LIMS2: variants seen among roughly 807,000 people sequenced by gnomAD.
The protein encoded by LIMS2 is LIM and senescent cell antigen-like-containing domain protein 2.
LIMS2 carries 30 observed loss-of-function variants against 45.3 expected under a neutral mutation model. The ratio of observed to expected loss-of-function variants is 0.66; its 90% CI spans 0.50 to 0.90. The LOEUF (loss-of-function observed/expected upper bound fraction) is 0.90, where lower values mean the gene tolerates loss of function less well. LIMS2 is among the 40% of genes least tolerant of loss of function. The pLI is 0.00. For synonymous variants in LIMS2, 173 were observed against 188.0 expected (o/e 0.92, Z 0.65); for missense variants, 485 against 468.7 (o/e 1.03, Z -0.32).
At chr2:127,643,587 G>C in intron 4 of LIMS2, 1 of 456,666 alleles carries the variant, frequency 2.2e-6, no homozygotes, top group Non-Finnish European at 4.4e-6. Context: ...GTCAGATGGA[G>C]GCCCCCAAAC....
At chr2:127,679,298 G>C (rs143908077), upstream of LIMS2, among the ~76,000 whole-genome samples, 42 of 152,266 alleles carry the variant, frequency 2.8e-4, no homozygotes, top group East Asian at 1.2e-3. This position sits in a 1 kb window ranked among gnomAD's most constrained non-coding sequence, Gnocchi z 5.3. Flanking sequence ...GCTCTGAAAG[G>C]GGGGGCAGAG....
At chr2:127,666,970 T>A (rs186069308) in intron 1 of LIMS2, among the ~76,000 whole-genome samples, 1 of 152,194 alleles carries the variant, frequency 6.6e-6, no homozygotes. Context: ...TGAGATTTAG[T>A]TGGGGACACA....
At chr2:127,663,672 G>C (rs1464006154) in intron 1 of LIMS2, among the ~76,000 whole-genome samples, 1 of 141,720 alleles carries the variant, frequency 7.1e-6, no homozygotes, top group African/African-American at 2.6e-5. Flanking sequence ...TCCTCCCCAG[G>C]GTCCCTATCT....
chr2:127,666,341 C>T lies in LIMS2; in HGVS notation c.11+8673G>A, dbSNP rs10177071. ...AAATCCACCAAAGGTTTTCAGTAAC[C>T]CTAGGAACATTTGGTCAAGAAAAAC... On this transcript the variant is annotated intron_variant, in intron 1 of 9. Transcript: ENST00000355119. 3.6e-3 allele frequency among the ~76,000 whole-genome samples: 542 copies of T among 150,532 alleles called. 3 individuals carry two copies. The highest frequency in any genetic ancestry group is 0.013 in the African/African-American group (509 of 40,080).
chr2:127,640,342 A>G (rs933452081), intron 7 of LIMS2, 24 bp from the exon 8 acceptor site: 4 of 1,610,820 alleles, frequency 2.5e-6, no homozygotes, highest in East Asian at 2.2e-5. Context: ...AGGCTGTCAG[A>G]GTAGCTGCAG....
In LIMS2 at chr2:127,664,010, A is replaced by G. The variant is rs537544559; in HGVS notation, c.12-6448T>C. Among the ~76,000 whole-genome samples the G allele has an allele frequency of 7.9e-4, 121 of 152,310 alleles. No homozygotes were observed. The highest frequency in any genetic ancestry group is 2.8e-3 in the African/African-American group (115 of 41,566). Reference sequence around the variant, plus strand: ...GCTCAGAACCTGTCTGCTCATCTATAAAGTGCAGCATGATCACCCCCGTCT... The same window carrying G: ...GCTCAGAACCTGTCTGCTCATCTATGAAGTGCAGCATGATCACCCCCGTCT... On this transcript the variant is annotated intron_variant, in intron 1 of 9. Transcript: ENST00000355119. The surrounding 1 kb of genome is among the most constrained non-coding windows in gnomAD (Gnocchi z 5.5).
Position 127,640,326 on chromosome 2 carries a change from C to A in LIMS2, c.754-8G>T. On this transcript the variant is annotated splice_polypyrimidine_tract_variant and splice_region_variant and intron_variant, in intron 7 of 9. Coordinates refer to ENST00000355119, the MANE Select transcript of LIMS2 (RefSeq NM_001161403.3). ...GCAGACGTCCCCGAAGAGCTGTGGG[C>A]CGAGCAGGCTGTCAGAGTAGCTGCA... 6.2e-7 allele frequency: 1 copy of A among 1,612,372 alleles called. No individual in the cohort carries two copies.
chr2:127,639,507 C>T, intron 9 of LIMS2, 79 bp from the exon 10 acceptor site: 1 of 1,544,954 alleles, frequency 6.5e-7, no homozygotes, highest in African/African-American at 1.4e-5. Flanking sequence ...GAGTGGGCTT[C>T]CCTCAGCCCC....
At chr2:127,668,668 CAAAAAAAAAAAAAAAAAAAAA>C (rs70985469) in intron 1 of LIMS2, among the ~76,000 whole-genome samples, 11 of 17,264 alleles carry the variant, frequency 6.4e-4, no homozygotes, top group Admixed American at 1.2e-3. Flanking sequence ...GACTCCGTCT[CAAAAAAAAAAAAAAAAAAAAA>C]AAAAAAAAAA....
At chr2:127,655,895 T>A (rs115659799) in intron 2 of LIMS2, 4,613 of 152,370 alleles carry the variant, frequency 0.03, 110 homozygotes, top group Middle Eastern at 0.041. Context: ...GCACAAGTGA[T>A]GTTCTGGTAA....
chr2:127,666,988 C>T (rs1433075196), intron 1 of LIMS2, among the ~76,000 whole-genome samples: 1 of 152,192 alleles, frequency 6.6e-6, no homozygotes, highest in Non-Finnish European at 1.5e-5. Context: ...ACAAAGCCTA[C>T]CCAAATCACT....
intron 9 of LIMS2, 86 bp downstream of exon 9, chr2:127,639,984 G>T: frequency 7.2e-7 from 1 of 1,382,478 alleles, no homozygotes; most frequent in Non-Finnish European, 1.0e-6. Flanking sequence ...GCCAGACTCA[G>T]CTGGTGTGCA....
At chr2:127,661,829 A>T (rs914961884) in intron 1 of LIMS2, among the ~76,000 whole-genome samples, 6 of 152,170 alleles carry the variant, frequency 3.9e-5, no homozygotes, top group African/African-American at 1.4e-4. Flanking sequence ...CCAGATAAGG[A>T]GATTGAAGCA....
upstream of LIMS2, among the ~76,000 whole-genome samples, chr2:127,675,674 G>A (rs986743701): frequency 4.6e-5 from 7 of 152,320 alleles, no homozygotes; most frequent in Admixed American, 3.9e-4. Context: ...GCAAACGCGT[G>A]CAGGAGATGG....
In LIMS2 at chr2:127,642,908, G is replaced by A. The variant is rs749682980; in HGVS notation, c.509+15C>T. The A allele has an allele frequency of 1.6e-5, 25 of 1,554,778 alleles. No homozygotes were observed. The highest frequency in any genetic ancestry group is 3.9e-5 in the Admixed American group (2 of 51,624). On this transcript the variant is annotated intron_variant, in intron 5 of 9. Transcript: ENST00000355119. The surrounding 1 kb of genome is among the most constrained non-coding windows in gnomAD (Gnocchi z 5.3). ...TCCCCGCCCCCACAACTGCAGGGCC[G>A]GGCTGCGCACCTACCCACAGTGGGT...
At chr2:127,649,789 T>G in intron 4 of LIMS2, 1 of 558,464 alleles carries the variant, frequency 1.8e-6, no homozygotes, top group Non-Finnish European at 3.2e-6. Context: ...CACTTGGCCT[T>G]CAAACGTGGG....
In LIMS2 at chr2:127,640,271, A is replaced by C; in HGVS notation, c.801T>G (p.Asp267Glu). The C allele has an allele frequency of 6.2e-7, 1 of 1,613,296 alleles. No homozygotes were observed. The highest frequency in any genetic ancestry group is 8.5e-7 in the Non-Finnish European group (1 of 1,179,968). Residue 267 changes from aspartate to glutamate, a missense_variant and splice_region_variant, in exon 8 of 10, where the codon GAT becomes GAG. By Grantham distance (45) the Asp-to-Glu change is conservative. Coordinates refer to ENST00000355119, the MANE Select transcript of LIMS2 (RefSeq NM_001161403.3). ...CYNCSHVIEG[D>E]VVSALNKAWC... ...GGGGGAGGGAACACAGGGCCTCACCATCGCCTTCAATCACATGGCTGCAGT... is the reference window on the plus strand; with the variant it reads ...GGGGGAGGGAACACAGGGCCTCACCCTCGCCTTCAATCACATGGCTGCAGT...
At chr2:127,678,999 C>A (rs1685559429), upstream of LIMS2, among the ~76,000 whole-genome samples, 1 of 152,082 alleles carries the variant, frequency 6.6e-6, no homozygotes, top group South Asian at 2.1e-4. This position sits in a 1 kb window ranked among gnomAD's most constrained non-coding sequence, Gnocchi z 5.3. Flanking sequence ...GTGGGACTGG[C>A]AGAAAGTGAG....
chr2:127,664,623 A>G lies in LIMS2; in HGVS notation c.12-7061T>C, dbSNP rs1356347131. On this transcript the variant is annotated intron_variant, in intron 1 of 9. Transcript: ENST00000355119. This position sits in a 1 kb window ranked among gnomAD's most constrained non-coding sequence, Gnocchi z 5.5. ...TTCGCGCCGCGGGGGCAGCTCCTGA[A>G]AGCTGAGGCTGGCGGGGGTTGGGTC... is the stretch of plus-strand genomic sequence containing the variant. 2 of 1,105,058 alleles carry G rather than the reference A, an allele frequency of 1.8e-6. No individual in the cohort carries two copies. The highest frequency in any genetic ancestry group is 2.2e-6 in the Non-Finnish European group (2 of 907,966). The allele number at this position is 1,105,058 out of a possible 1,614,324, so 68.5% of individuals were successfully genotyped here.
Sources: allele counts gnomAD v4.1 joint callset (sites outside exome capture counted in the v4.1 genomes callset), GRCh38; gene constraint gnomAD v4.1.1; non-coding constraint Gnocchi (gnomAD v3.1); transcripts MANE v1.5; gene names NCBI Gene and HGNC (gene_info 2026-07-23, HGNC 2026-07-21).